Variants in PCSK5 observed in about 807,000 individuals in gnomAD.
PCSK5 encodes prohormone convertase 5.
In PCSK5, 129 loss-of-function variants were observed where a neutral mutation model predicts 233.2. The ratio of observed to expected loss-of-function variants is 0.55; its 90% CI spans 0.48 to 0.64. The LOEUF is 0.64. Ranked by LOEUF, PCSK5 falls within the 30% of genes least tolerant of loss-of-function variation. The pLI, the probability that PCSK5 is intolerant of heterozygous loss-of-function variation, is 0.00. For missense variants in PCSK5, 2,076 were observed against 2,430.1 expected (o/e 0.85, Z 3.06); for synonymous variants, 825 against 879.2 (o/e 0.94, Z 1.09).
At chr9:76,000,285 A>G (rs1398979042) in intron 3 of PCSK5, among the ~76,000 whole-genome samples, 1 of 152,194 alleles carries the variant, frequency 6.6e-6, no homozygotes, top group South Asian at 2.1e-4. Context: ...TTATCAATAA[A>G]TTGGTAGGTA....
At chr9:76,256,331 G>A (rs1263789833) in intron 24 of PCSK5, among the ~76,000 whole-genome samples, 2 of 152,234 alleles carry the variant, frequency 1.3e-5, no homozygotes, top group African/African-American at 4.8e-5. Flanking sequence ...GCTAAGTCGA[G>A]CTGTGAGCCA....
Position 76,271,166 on chromosome 9 carries a change from C to A in PCSK5, c.3143-21067C>A, listed in dbSNP as rs368009569. Among the ~76,000 whole-genome samples, 4 of 152,076 alleles carry A rather than the reference C, an allele frequency of 2.6e-5. No individual in the cohort carries two copies. The South Asian group carries it at 8.3e-4, about 32-fold the overall frequency. ...TGAAATAAAAAGGTAATAATCACAC[C>A]TCTCCCACAATTCAGAATCAAATGA... On this transcript the variant is annotated intron_variant, in intron 24 of 37. Transcript: ENST00000674117.
chr9:75,936,350 T>A (rs1824056117), intron 2 of PCSK5, among the ~76,000 whole-genome samples: 1 of 152,252 alleles, frequency 6.6e-6, no homozygotes, highest in Admixed American at 6.5e-5. Flanking sequence ...ACAAAAGATT[T>A]CCCTGTAGCA....
chr9:76,040,854 A>C (rs186970197), intron 5 of PCSK5, among the ~76,000 whole-genome samples: 10 of 152,356 alleles, frequency 6.6e-5, no homozygotes, highest in Admixed American at 5.2e-4. Context: ...TACCTAGTAG[A>C]AACATAGCAG....
At chr9:76,125,908 A>T (rs1832830944) in intron 9 of PCSK5, among the ~76,000 whole-genome samples, 1 of 152,116 alleles carries the variant, frequency 6.6e-6, no homozygotes, top group African/African-American at 2.4e-5. Flanking sequence ...CAGGACTAGC[A>T]ATCTTTATAG....
At chr9:76,032,123 AG>A (rs1333842944) in intron 5 of PCSK5, among the ~76,000 whole-genome samples, 1 of 152,194 alleles carries the variant, frequency 6.6e-6, no homozygotes, top group South Asian at 2.1e-4. Flanking sequence ...AAAATAGTGA[AG>A]GTGAGGAATT....
chr9:76,067,388 A>G (rs997168036), intron 5 of PCSK5, among the ~76,000 whole-genome samples: 1 of 152,196 alleles, frequency 6.6e-6, no homozygotes, highest in Admixed American at 6.5e-5. Flanking sequence ...AATGATTAAT[A>G]AGATATTTTA....
chr9:76,158,528 CA>C (rs1311469342), intron 11 of PCSK5, among the ~76,000 whole-genome samples: 1 of 152,160 alleles, frequency 6.6e-6, no homozygotes, highest in African/African-American at 2.4e-5. Flanking sequence ...GGTTACAGAG[CA>C]AGGGATGTGA....
intron 24 of PCSK5, among the ~76,000 whole-genome samples, chr9:76,272,616 T>C (rs998080191): frequency 4.6e-5 from 7 of 150,550 alleles, no homozygotes; most frequent in African/African-American, 1.7e-4. Flanking sequence ...TCTACTAAAA[T>C]ACAAAAAAAT....
chr9:76,154,356 G>C (rs943966759), intron 10 of PCSK5, among the ~76,000 whole-genome samples: 1 of 152,186 alleles, frequency 6.6e-6, no homozygotes, highest in African/African-American at 2.4e-5. Flanking sequence ...TACTTAAGTG[G>C]TTAACAGGCA....
intron 24 of PCSK5, among the ~76,000 whole-genome samples, chr9:76,241,647 AGTTT>A (rs764518495): frequency 1.2e-4 from 19 of 152,326 alleles, no homozygotes; most frequent in Middle Eastern, 3.4e-3. Context: ...TGATGGAGAC[AGTTT>A]GTTAACCACA....
intron 37 of PCSK5, among the ~76,000 whole-genome samples, chr9:76,355,084 C>G (rs1830264352): frequency 6.6e-6 from 1 of 152,174 alleles, no homozygotes; most frequent in South Asian, 2.1e-4. Flanking sequence ...TTTCCAGTCC[C>G]TCAGCTATCC....
chr9:76,035,907 A>G (rs2131516043), intron 5 of PCSK5, among the ~76,000 whole-genome samples: 1 of 152,258 alleles, frequency 6.6e-6, no homozygotes, highest in South Asian at 2.1e-4. Flanking sequence ...GACATCCAAG[A>G]ACTTTCAAAT....
intron 17 of PCSK5, among the ~76,000 whole-genome samples, chr9:76,187,109 T>G (rs1206138120): frequency 6.6e-6 from 1 of 152,222 alleles, no homozygotes; most frequent in Non-Finnish European, 1.5e-5. Context: ...TCAACTTTGT[T>G]TTTGTACTTT....
chr9:76,297,806 G>T (rs1185097425), intron 27 of PCSK5, among the ~76,000 whole-genome samples: 2 of 152,122 alleles, frequency 1.3e-5, no homozygotes, highest in Non-Finnish European at 2.9e-5. Context: ...AGGGCTCGAG[G>T]GAGTGACAGC....
chr9:75,948,209 A>G (rs1000450465), intron 2 of PCSK5, among the ~76,000 whole-genome samples: 7 of 151,986 alleles, frequency 4.6e-5, no homozygotes, highest in African/African-American at 1.7e-4. Flanking sequence ...TGTGTACAAC[A>G]TGCAGGTTTG....
At chr9:76,246,548 C>T (rs1312760377) in intron 24 of PCSK5, among the ~76,000 whole-genome samples, 1 of 151,910 alleles carries the variant, frequency 6.6e-6, no homozygotes, top group Non-Finnish European at 1.5e-5. Flanking sequence ...ATGCATTTAC[C>T]CTTGGACCCC....
chr9:76,351,683 T>TAGGG (rs1564197241), intron 36 of PCSK5, among the ~76,000 whole-genome samples: 2 of 40,484 alleles, frequency 4.9e-5, no homozygotes, highest in Non-Finnish European at 5.6e-5. Context: ...AAGAAAGAGG[T>TAGGG]AGGGAGGGAG....
At chr9:76,330,613 A>T (rs1452730787) in intron 33 of PCSK5, among the ~76,000 whole-genome samples, 11 of 152,180 alleles carry the variant, frequency 7.2e-5, no homozygotes, top group Admixed American at 7.2e-4. Flanking sequence ...TAAAATTTTA[A>T]ATTTAAAAAT....
Sources: gnomAD v4.1 joint callset for allele counts (sites outside exome capture counted in the v4.1 genomes callset) on GRCh38, gnomAD v4.1.1 for gene constraint, MANE v1.5 for transcripts, NCBI Gene and HGNC (gene_info 2026-07-23, HGNC 2026-07-21) for gene names.